The following CD34 variants were observed in gnomAD, a reference collection of about 807,000 sequenced individuals.
CD34 encodes CD34 molecule.
CD34 carries 34 observed loss-of-function variants against 40.1 expected under a neutral mutation model. The ratio of observed to expected loss-of-function variants is 0.85; its 90% CI spans 0.65 to 1.13. The LOEUF is 1.13. CD34 is among the 50% of genes most tolerant of loss of function. The pLI is 0.00. For synonymous variants in CD34, 209 were observed against 190.0 expected (o/e 1.10, Z -0.82); for missense variants, 426 against 466.9 (o/e 0.91, Z 0.81).
intron 4 of CD34, 34 bp from the exon 5 acceptor site, chr1:207,889,655 T>C (rs766495852): frequency 1.2e-6 from 2 of 1,612,252 alleles, no homozygotes; most frequent in African/African-American, 2.7e-5. Context: ...GAGCAAGAGA[T>C]GAAATTACTG....
Position 207,885,779 on chromosome 1 carries a change from G to A in CD34, c.*1959C>T, listed in dbSNP as rs934686543. 10 of 152,428 alleles carry A rather than the reference G, an allele frequency of 6.6e-5. No homozygotes were observed. Among genetic ancestry groups the A allele is most frequent in the African/African-American group, 2.4e-4 (10 of 41,436 alleles). The allele number at this position is 152,428 out of a possible 1,614,324, so 9.4% of individuals were successfully genotyped here. ...TAGAGGAGTTGGAGAAAAGCAAGAAGGAGATGGGGGTGGAGGAGTGCTGAA... is the reference window on the plus strand; with the variant it reads ...TAGAGGAGTTGGAGAAAAGCAAGAAAGAGATGGGGGTGGAGGAGTGCTGAA... On this transcript the variant is annotated 3_prime_UTR_variant, in exon 8 of 8. Transcript: ENST00000310833.
intron 1 of CD34, among the ~76,000 whole-genome samples, chr1:207,907,741 G>A (rs1321866393): frequency 1.3e-5 from 2 of 152,060 alleles, no homozygotes; most frequent in African/African-American, 4.8e-5. Context: ...TTAGCACAAC[G>A]TCCAGCTCTG....
At chr1:207,894,329 C>T (rs1279640224) in intron 4 of CD34, among the ~76,000 whole-genome samples, 1 of 152,172 alleles carries the variant, frequency 6.6e-6, no homozygotes, top group African/African-American at 2.4e-5. Flanking sequence ...TGACTCTACT[C>T]ATATGAGGTA....
chr1:207,892,335 T>C (rs1015872712), intron 4 of CD34, among the ~76,000 whole-genome samples: 2 of 152,158 alleles, frequency 1.3e-5, no homozygotes, highest in African/African-American at 4.8e-5. Flanking sequence ...CCCAGCACTT[T>C]GGGAGGCCGA....
At chr1:207,894,739 A>G (rs1662113781) in intron 4 of CD34, among the ~76,000 whole-genome samples, 1 of 152,154 alleles carries the variant, frequency 6.6e-6, no homozygotes, top group Admixed American at 6.5e-5. Flanking sequence ...GTGCTGAGAT[A>G]TGGTAAAAGG....
At chr1:207,892,964 T>C (rs928978218) in intron 4 of CD34, among the ~76,000 whole-genome samples, 2 of 152,158 alleles carry the variant, frequency 1.3e-5, no homozygotes, top group Non-Finnish European at 2.9e-5. Flanking sequence ...CCTCCCACTC[T>C]GGAATCCAAC....
In CD34 at chr1:207,884,696, G is replaced by A. The variant is rs759188777; in HGVS notation, c.*3042C>T. On this transcript the variant is annotated 3_prime_UTR_variant, in exon 8 of 8. Transcript: ENST00000310833. ...CCATTCAGATGAAAATCTGGCTGAAGATAATTCCAGATATGCTCTCCATAG... is the reference window on the plus strand; with the variant it reads ...CCATTCAGATGAAAATCTGGCTGAAAATAATTCCAGATATGCTCTCCATAG... The A allele has an allele frequency of 1.3e-5, 2 of 152,202 alleles. No individual in the cohort carries two copies. The highest frequency in any genetic ancestry group is 2.9e-5 in the Non-Finnish European group (2 of 68,034). 9.4% of individuals were successfully genotyped at this position (152,202 alleles called of 1,614,324 possible).
intron 4 of CD34, among the ~76,000 whole-genome samples, chr1:207,897,276 T>C (rs1226726751): frequency 6.6e-6 from 1 of 152,136 alleles, no homozygotes; most frequent in Non-Finnish European, 1.5e-5. Flanking sequence ...TAACAAAATT[T>C]ATTAATAATT....
At chr1:207,889,321 C>T (rs976966905) in intron 5 of CD34, 108 bp from the exon 6 acceptor site, 42 of 1,564,642 alleles carry the variant, frequency 2.7e-5, no homozygotes, top group African/African-American at 1.6e-4. Context: ...TGGTCCATCT[C>T]GGGGGGACCG....
At position 207,898,658 on chromosome 1, in the gene CD34, G is replaced by T. The variant is rs536267486; in HGVS notation, c.516+315C>A. ...TGCCAAATATTCCCAAAGGGAAATG[G>T]TGTCCTGGTCAAAGCCCCACTGATA... On this transcript the variant is annotated intron_variant, in intron 3 of 7. Coordinates refer to ENST00000310833, the MANE Select transcript of CD34 (RefSeq NM_001025109.2). Among the ~76,000 whole-genome samples, 53 of 152,316 alleles carry T rather than the reference G, an allele frequency of 3.5e-4. 1 individual carries two copies. Among genetic ancestry groups the T allele is most frequent in the South Asian group, 2.7e-3 (13 of 4,828 alleles).
chr1:207,887,405 C>T lies in CD34; in HGVS notation c.*333G>A, dbSNP rs562061341. ...CTTTCCCCTGGGGGTTCCTGTATTGCGGCAGAGAGGAGGGGGTAGGGGAAG... is the reference window on the plus strand; with the variant it reads ...CTTTCCCCTGGGGGTTCCTGTATTGTGGCAGAGAGGAGGGGGTAGGGGAAG... On this transcript the variant is annotated 3_prime_UTR_variant, in exon 8 of 8. Coordinates refer to ENST00000310833, the MANE Select transcript of CD34 (RefSeq NM_001025109.2). 4.7e-5 allele frequency: 12 copies of T among 254,268 alleles called. No homozygotes were observed. The highest frequency in any genetic ancestry group is 8.8e-5 in the African/African-American group (4 of 45,226). The allele number at this position is 254,268 out of a possible 1,614,324, so 15.8% of individuals were successfully genotyped here.
intron 3 of CD34, among the ~76,000 whole-genome samples, chr1:207,898,395 G>A (rs903540237): frequency 6.6e-6 from 1 of 152,124 alleles, no homozygotes; most frequent in Non-Finnish European, 1.5e-5. Flanking sequence ...CATATCTCAT[G>A]ACTGAGGCCC....
intron 1 of CD34, among the ~76,000 whole-genome samples, chr1:207,903,266 A>G (rs1341273648): frequency 1.3e-5 from 2 of 152,202 alleles, no homozygotes; most frequent in Non-Finnish European, 2.9e-5. Flanking sequence ...CCATGGCATT[A>G]AACCATCAAA....
chr1:207,896,103 G>A (rs1028262756), intron 4 of CD34, among the ~76,000 whole-genome samples: 2 of 152,290 alleles, frequency 1.3e-5, no homozygotes, highest in East Asian at 1.9e-4. Flanking sequence ...GAGTTAGAAT[G>A]GAAAAAATAA....
chr1:207,898,818 C>A (rs1662204307), intron 3 of CD34, among the ~76,000 whole-genome samples, 155 bp downstream of exon 3: 1 of 152,206 alleles, frequency 6.6e-6, no homozygotes, highest in South Asian at 2.1e-4. Flanking sequence ...TTCTACTTCT[C>A]CCAGCAATAT....
rs959723545 is a variant in CD34 at position 207,889,033 on chromosome 1, A to G, written c.807+128T>C. ...CATACCCCACCATTTTTGGTTCAAG[A>G]CTAGAAAGGAGAAGACTCAGAGAAG... On this transcript the variant is annotated intron_variant, in intron 6 of 7. Coordinates refer to ENST00000310833, the MANE Select transcript of CD34 (RefSeq NM_001025109.2). 6 of 876,822 alleles carry G rather than the reference A, an allele frequency of 6.8e-6. No homozygotes were observed. In the Admixed American group the frequency reaches 1.2e-4, roughly 18 times the overall value. The allele number at this position is 876,822 out of a possible 1,614,324, so 54.3% of individuals were successfully genotyped here.
At chr1:207,908,054 T>C (rs1004610040) in intron 1 of CD34, among the ~76,000 whole-genome samples, 1 of 152,158 alleles carries the variant, frequency 6.6e-6, no homozygotes, top group Non-Finnish European at 1.5e-5. Flanking sequence ...CAGCTCAGGG[T>C]CTAAAGGAAA....
chr1:207,893,963 C>A (rs2796252), intron 4 of CD34, among the ~76,000 whole-genome samples: 36,376 of 151,956 alleles, frequency 0.24, 5,086 homozygotes, highest in Non-Finnish European at 0.33. Context: ...ACCCTTGTAC[C>A]CTACTGGTGG....
intron 4 of CD34, among the ~76,000 whole-genome samples, chr1:207,890,661 C>T (rs1322256229): frequency 1.3e-5 from 2 of 152,106 alleles, no homozygotes; most frequent in Non-Finnish European, 2.9e-5. Flanking sequence ...GCCTCAGGAC[C>T]CAGCTGGAAT....
Sources: allele counts gnomAD v4.1 joint callset (sites outside exome capture counted in the v4.1 genomes callset), GRCh38; gene constraint gnomAD v4.1.1; transcripts MANE v1.5; gene names NCBI Gene and HGNC (gene_info 2026-07-23, HGNC 2026-07-21).